TAS2R1: variants seen among roughly 807,000 people sequenced by gnomAD.
TAS2R1 encodes taste 2 receptor member 1.
For missense variants in TAS2R1, 370 were observed against 353.4 expected (o/e 1.05, Z -0.38); for synonymous variants, 141 against 134.2 (o/e 1.05, Z -0.35).
the TAS2R1 span, among the ~76,000 whole-genome samples, chr5:9,868,502 T>C: frequency 0.34 from 51,495 of 152,020 alleles, 10,061 homozygotes; most frequent in East Asian, 0.53. Context: ...ACCAAGTTCC[T>C]AGGTTGCACA....
chr5:9,859,228 G>A, the TAS2R1 span, among the ~76,000 whole-genome samples: 82 of 152,108 alleles, frequency 5.4e-4, no homozygotes, highest in African/African-American at 1.9e-3. Flanking sequence ...TATCTAACAC[G>A]AACTGGAATT....
chr5:9,875,791 G>A, the TAS2R1 span, among the ~76,000 whole-genome samples: 1 of 152,220 alleles, frequency 6.6e-6, no homozygotes, highest in Non-Finnish European at 1.5e-5. Context: ...GGAGGTTACA[G>A]TGATTGGCAT....
At chr5:9,764,136 T>C in the TAS2R1 span, among the ~76,000 whole-genome samples, 88 of 152,378 alleles carry the variant, frequency 5.8e-4, no homozygotes, top group African/African-American at 1.9e-3. Context: ...ATTTGAAATT[T>C]ATAGGAGACA....
chr5:9,823,830 G>A, the TAS2R1 span, among the ~76,000 whole-genome samples: 2 of 152,172 alleles, frequency 1.3e-5, no homozygotes, highest in Non-Finnish European at 2.9e-5. Flanking sequence ...TCGAATAGAA[G>A]TTGTCTCCAT....
chr5:9,777,805 G>A, the TAS2R1 span, among the ~76,000 whole-genome samples: 3 of 151,896 alleles, frequency 2.0e-5, no homozygotes. Context: ...TTGATGCTGT[G>A]TTAGCAGGCA....
At chr5:9,787,626 C>T in the TAS2R1 span, among the ~76,000 whole-genome samples, 157 of 152,314 alleles carry the variant, frequency 1.0e-3, no homozygotes, top group Middle Eastern at 3.4e-3. Flanking sequence ...ATATCAGAAC[C>T]TGGTAATTTA....
chr5:9,772,524 G>A, the TAS2R1 span, among the ~76,000 whole-genome samples: 1 of 152,052 alleles, frequency 6.6e-6, no homozygotes, highest in African/African-American at 2.4e-5. Context: ...GGTTCATTTG[G>A]TCTATAGTGT....
chr5:9,706,660 G>C (rs1452801256), intron 1 of TAS2R1, among the ~76,000 whole-genome samples: 1 of 152,238 alleles, frequency 6.6e-6, no homozygotes, highest in Non-Finnish European at 1.5e-5. Flanking sequence ...CTGTATCTGA[G>C]TAGATGAGAG....
At chr5:9,769,305 TTATC>T in the TAS2R1 span, among the ~76,000 whole-genome samples, 2 of 152,226 alleles carry the variant, frequency 1.3e-5, no homozygotes, top group African/African-American at 4.8e-5. Flanking sequence ...CATGTTTTCT[TTATC>T]TATTAATCTG....
chr5:9,834,587 A>T, the TAS2R1 span, among the ~76,000 whole-genome samples: 5 of 152,186 alleles, frequency 3.3e-5, no homozygotes, highest in Non-Finnish European at 5.9e-5. Flanking sequence ...AATAGAGCAA[A>T]GCAACCACAG....
chr5:9,703,156 C>T (rs539584177), intron 1 of TAS2R1, among the ~76,000 whole-genome samples: 4 of 152,148 alleles, frequency 2.6e-5, no homozygotes, highest in African/African-American at 9.6e-5. Flanking sequence ...AGGGCAAATC[C>T]CTCTGCCAAC....
chr5:9,680,613 A>G (rs1186020704), intron 1 of TAS2R1, among the ~76,000 whole-genome samples: 1 of 152,184 alleles, frequency 6.6e-6, no homozygotes, highest in African/African-American at 2.4e-5. Flanking sequence ...TCATCATGAA[A>G]AAAATCATCA....
chr5:9,734,470 A>G, the TAS2R1 span, among the ~76,000 whole-genome samples: 1 of 152,150 alleles, frequency 6.6e-6, no homozygotes. Context: ...TTGTTTGAGA[A>G]TCTACTTAGT....
the TAS2R1 span, among the ~76,000 whole-genome samples, chr5:9,856,125 C>A: frequency 1.3e-5 from 2 of 151,976 alleles, no homozygotes; most frequent in Non-Finnish European, 2.9e-5. Flanking sequence ...ACTAAGAATG[C>A]TAGATAAAAT....
At chr5:9,796,721 G>GAAAAAAAAAAAAAAAAATAAAAAA in the TAS2R1 span, among the ~76,000 whole-genome samples, 1 of 99,764 alleles carries the variant, frequency 1.0e-5, no homozygotes, top group Non-Finnish European at 2.3e-5. Flanking sequence ...CTATTTTCTG[G>GAAAAAAAAAAAAAAAAATAAAAAA]AAAAAAAAAA....
At chr5:9,666,202 A>G (rs1740629370) in intron 1 of TAS2R1, among the ~76,000 whole-genome samples, 1 of 152,164 alleles carries the variant, frequency 6.6e-6, no homozygotes, top group Admixed American at 6.5e-5. Flanking sequence ...AGAGAGTTCT[A>G]TTTATTGAAG....
intron 1 of TAS2R1, among the ~76,000 whole-genome samples, chr5:9,704,880 T>C (rs1237674815): frequency 1.1e-4 from 16 of 152,220 alleles, no homozygotes; most frequent in Admixed American, 1.0e-3. Context: ...GAATGCAAAA[T>C]GCACATGCCC....
chr5:9,888,561 G>A, the TAS2R1 span, among the ~76,000 whole-genome samples: 2 of 152,192 alleles, frequency 1.3e-5, no homozygotes, highest in African/African-American at 4.8e-5. Context: ...AGATTGCAGG[G>A]GGAGCATTTC....
At chr5:9,771,261 T>A in the TAS2R1 span, among the ~76,000 whole-genome samples, 1 of 152,206 alleles carries the variant, frequency 6.6e-6, no homozygotes, top group Non-Finnish European at 1.5e-5. Context: ...TTTTTCAGCA[T>A]CAGTTGAAAT....
Sources: gnomAD v4.1 joint callset for allele counts (sites outside exome capture counted in the v4.1 genomes callset) on GRCh38, gnomAD v4.1.1 for gene constraint, MANE v1.5 for transcripts, NCBI Gene and HGNC (gene_info 2026-07-23, HGNC 2026-07-21) for gene names.